The following ARHGAP31 variants were observed in gnomAD, a reference collection of about 807,000 sequenced individuals.
ARHGAP31 encodes Rho GTPase activating protein 31, also known as rho GTPase-activating protein 31.
Under a neutral mutation model 113.9 loss-of-function variants are expected in ARHGAP31, and 34 were observed. The ratio of observed to expected loss-of-function variants is 0.30; its 90% confidence interval spans 0.23 to 0.40. ARHGAP31 has a LOEUF of 0.40. Among genes scored for constraint, ARHGAP31 ranks in the 10% least tolerant of loss-of-function variants. ARHGAP31 has a pLI of 1.00. For missense variants in ARHGAP31, 1,548 were observed against 1,767.1 expected (o/e 0.88, Z 2.22); for synonymous variants, 650 against 684.8 (o/e 0.95, Z 0.79).
intron 1 of ARHGAP31, among the ~76,000 whole-genome samples, chr3:119,346,652 G>T (rs938292598): frequency 3.9e-5 from 6 of 152,250 alleles, no homozygotes; most frequent in African/African-American, 1.4e-4. Context: ...TGCTAAGGGT[G>T]TGTCTAAGCT....
At chr3:119,345,731 G>A (rs908460504) in intron 1 of ARHGAP31, among the ~76,000 whole-genome samples, 3 of 152,088 alleles carry the variant, frequency 2.0e-5, no homozygotes, top group South Asian at 2.1e-4. Flanking sequence ...ATAATGGAGC[G>A]GACCTGGACA....
At chr3:119,339,646 A>G (rs2079990687) in intron 1 of ARHGAP31, among the ~76,000 whole-genome samples, 2 of 152,204 alleles carry the variant, frequency 1.3e-5, no homozygotes, top group Admixed American at 1.3e-4. Context: ...AACTTTTGAC[A>G]GAGTTGGAGA....
At chr3:119,347,955 C>T (rs544578558) in intron 1 of ARHGAP31, among the ~76,000 whole-genome samples, 47 of 152,332 alleles carry the variant, frequency 3.1e-4, no homozygotes, top group African/African-American at 1.1e-3. Context: ...CTAGCATTCT[C>T]TTTGCTAGTT....
chr3:119,415,265 C>G lies in ARHGAP31; in HGVS notation c.3336C>G (p.Ala1112=). The change falls in exon 12 of 12, where the codon GCC becomes GCG. Residue 1112 remains alanine, a synonymous_variant. Coordinates refer to ENST00000264245, the MANE Select transcript of ARHGAP31 (RefSeq NM_020754.4). ...NRPSSLNLDP[A]IPIADLFWFE... ...CTTCTTCCCTCAACTTGGACCCTGC[C>G]ATTCCCATTGCTGACCTCTTCTGGT... The G allele has an allele frequency of 6.2e-7, 1 of 1,614,232 alleles. No homozygotes were observed. Among genetic ancestry groups the G allele is most frequent in the Non-Finnish European group, 8.5e-7 (1 of 1,180,046 alleles).
chr3:119,383,015 C>G, intron 5 of ARHGAP31, 69 bp from the exon 6 acceptor site: 2 of 1,584,278 alleles, frequency 1.3e-6, no homozygotes, highest in Non-Finnish European at 1.7e-6. Context: ...AAAAGGCCCA[C>G]TGGCTCCTCT....
At chr3:119,379,293 G>A (rs184576503) in intron 3 of ARHGAP31, among the ~76,000 whole-genome samples, 15 of 152,236 alleles carry the variant, frequency 9.9e-5, no homozygotes, top group South Asian at 4.2e-4. Flanking sequence ...TGAGTCCTGT[G>A]GGGAAAAAGT....
intron 1 of ARHGAP31, among the ~76,000 whole-genome samples, chr3:119,306,432 C>T (rs1418340691): frequency 2.0e-5 from 3 of 152,148 alleles, no homozygotes; most frequent in African/African-American, 7.2e-5. Context: ...TGGCGCGTGC[C>T]TGTAATCCCA....
intron 1 of ARHGAP31, among the ~76,000 whole-genome samples, chr3:119,341,074 T>G (rs2080003909): frequency 6.6e-6 from 1 of 152,102 alleles, no homozygotes; most frequent in South Asian, 2.1e-4. Flanking sequence ...AAATATTTGC[T>G]GAATGAAAAA....
At chr3:119,404,162 G>A (rs1484384510) in intron 10 of ARHGAP31, among the ~76,000 whole-genome samples, 1 of 152,176 alleles carries the variant, frequency 6.6e-6, no homozygotes, top group African/African-American at 2.4e-5. Context: ...GGGAGTGAAG[G>A]CTTTGAGGAA....
At chr3:119,377,752 CT>C (rs5852201) in intron 3 of ARHGAP31, among the ~76,000 whole-genome samples, 1,766 of 141,194 alleles carry the variant, frequency 0.013, 17 homozygotes, top group African/African-American at 0.03. Flanking sequence ...GGATGCTTTC[CT>C]TTTTTTTTTT....
At chr3:119,297,183 G>T (rs191915671) in intron 1 of ARHGAP31, among the ~76,000 whole-genome samples, 2 of 152,326 alleles carry the variant, frequency 1.3e-5, no homozygotes, top group African/African-American at 4.8e-5. Flanking sequence ...GCTAAAACTA[G>T]TTGGATGGTT....
intron 1 of ARHGAP31, among the ~76,000 whole-genome samples, chr3:119,346,017 A>T (rs2080053521): frequency 6.6e-6 from 1 of 152,158 alleles, no homozygotes; most frequent in Admixed American, 6.5e-5. Flanking sequence ...TGACCAGTTG[A>T]CTGCCCTCTA....
intron 9 of ARHGAP31, among the ~76,000 whole-genome samples, chr3:119,400,186 C>G (rs2080588284): frequency 6.6e-6 from 1 of 152,112 alleles, no homozygotes; most frequent in Non-Finnish European, 1.5e-5. Flanking sequence ...AATCCCAGCA[C>G]TTTGGGAGGC....
At chr3:119,375,739 C>T (rs1379415727) in intron 3 of ARHGAP31, among the ~76,000 whole-genome samples, 1 of 152,038 alleles carries the variant, frequency 6.6e-6, no homozygotes, top group Non-Finnish European at 1.5e-5. Context: ...TAGAGAAGGC[C>T]ATTTAGAGGT....
intron 1 of ARHGAP31, among the ~76,000 whole-genome samples, chr3:119,359,734 G>A (rs190529434): frequency 1.4e-4 from 21 of 151,904 alleles, no homozygotes; most frequent in African/African-American, 4.8e-4. Flanking sequence ...CTTGGATTCT[G>A]GGGGGGAAAC....
In ARHGAP31 at chr3:119,324,855, A is replaced by G. The variant is rs1010743281; in HGVS notation, c.100+29851A>G. The G allele has an allele frequency of 2.2e-5, 10 of 448,812 alleles. No individual in the cohort carries two copies. The East Asian group carries it at 2.8e-4, about 13-fold the overall frequency. 27.8% of individuals were successfully genotyped at this position (448,812 alleles called of 1,614,324 possible). On this transcript the variant is annotated intron_variant, in intron 1 of 11. Coordinates refer to ENST00000264245, the MANE Select transcript of ARHGAP31 (RefSeq NM_020754.4). ...CTCCTTTTAGTAAAACAGAGAACCA[A>G]TTTTGAATAAACCAAGGTCTCTTGG...
chr3:119,419,281 G>A lies in ARHGAP31; in HGVS notation c.*3017G>A, dbSNP rs1398971858. 6.6e-6 allele frequency: 1 copy of A among 152,198 alleles called. No individual in the cohort carries two copies. Among genetic ancestry groups the A allele is most frequent in the African/African-American group, 2.4e-5 (1 of 41,436 alleles). 9.4% of individuals were successfully genotyped at this position (152,198 alleles called of 1,614,324 possible). On this transcript the variant is annotated 3_prime_UTR_variant, in exon 12 of 12. Transcript: ENST00000264245. ...ATGATGGATTTGCAGTGAAACGCAT[G>A]CATGTACTGACGTTTTCTTTCAGCA...
At chr3:119,367,214 A>G (rs895991223) in intron 2 of ARHGAP31, among the ~76,000 whole-genome samples, 2 of 152,216 alleles carry the variant, frequency 1.3e-5, no homozygotes, top group Non-Finnish European at 2.9e-5. Flanking sequence ...AGAAAACAGG[A>G]GAATGGGCAG....
At chr3:119,379,099 A>G (rs1226668590) in intron 3 of ARHGAP31, among the ~76,000 whole-genome samples, 2 of 152,260 alleles carry the variant, frequency 1.3e-5, no homozygotes. Flanking sequence ...AAAAAAGGTG[A>G]AAAAGAAAAA....
Sources: allele counts gnomAD v4.1 joint callset (sites outside exome capture counted in the v4.1 genomes callset), GRCh38; gene constraint gnomAD v4.1.1; transcripts MANE v1.5; gene names NCBI Gene and HGNC (gene_info 2026-07-23, HGNC 2026-07-21).